Variants in CEP85L observed in about 807,000 individuals in gnomAD.
The protein encoded by CEP85L is centrosomal protein of 85 kDa-like.
Under a neutral mutation model 100.3 loss-of-function variants are expected in CEP85L, and 60 were observed. The ratio of observed to expected loss-of-function variants is 0.60; its 90% CI spans 0.49 to 0.74. The LOEUF is 0.74. Among genes scored for constraint, CEP85L ranks in the 30% least tolerant of loss-of-function variants. CEP85L has a pLI of 0.00. For missense variants in CEP85L, 973 were observed against 936.2 expected (o/e 1.04, Z -0.51); for synonymous variants, 319 against 322.7 (o/e 0.99, Z 0.12).
At chr6:118,709,095 A>T (rs1777694532) in intron 1 of CEP85L, among the ~76,000 whole-genome samples, 1 of 152,154 alleles carries the variant, frequency 6.6e-6, no homozygotes, top group South Asian at 2.1e-4. Flanking sequence ...GAGAAACAAG[A>T]GCAGCACATC....
chr6:118,542,919 A>AAAAAAAAAAAAC (rs1562245143), intron 3 of CEP85L, among the ~76,000 whole-genome samples: 1 of 150,758 alleles, frequency 6.6e-6, no homozygotes, highest in African/African-American at 2.4e-5. Flanking sequence ...AAAAAAAAAA[A>AAAAAAAAAAAAC]AAAACAGGAT....
In CEP85L at chr6:118,704,879, A is replaced by G. The variant is rs144260623; in HGVS notation, c.-28+5157T>C. On this transcript the variant is annotated intron_variant, in intron 1 of 13. Transcript: ENST00000368488. ...TTTTCTTACCCTTCTGGCTATTTTC[A>G]CCTTTCTTTCAGTGGCTTTTTTTTC... Among the ~76,000 whole-genome samples, 823 of 152,006 alleles carry G rather than the reference A, an allele frequency of 5.4e-3. 4 individuals carry two copies. The highest frequency in any genetic ancestry group is 9.0e-3 in the Non-Finnish European group (609 of 67,978).
intron 1 of CEP85L, among the ~76,000 whole-genome samples, chr6:118,659,086 A>G (rs1775887425): frequency 6.6e-6 from 1 of 152,208 alleles, no homozygotes; most frequent in African/African-American, 2.4e-5. Flanking sequence ...ACCAATCTCT[A>G]CTTTCATTAT....
chr6:118,465,559 C>T lies in CEP85L; in HGVS notation c.2264G>A (p.Cys755Tyr). The change falls in exon 13 of 13, where the codon TGT (cysteine) becomes TAT (tyrosine). Residue 755 changes from cysteine to tyrosine, a missense_variant. Transcript: ENST00000368491. ...GTCATTCTCAGTCTCTTCAGCTGAA[C>T]AGTTCATTGCTGTGTAAATAAAACA... The part of the protein sequence containing the change: ...SLLLGIRSMN[C>Y]SAEETENDHS... 1 of 1,609,490 alleles carries T rather than the reference C, an allele frequency of 6.2e-7. No homozygotes were observed. The highest frequency in any genetic ancestry group is 8.5e-7 in the Non-Finnish European group (1 of 1,178,412).
upstream of CEP85L, chr6:118,651,935 G>A (rs1466393453): frequency 1.3e-5 from 13 of 985,358 alleles, no homozygotes; most frequent in Non-Finnish European, 1.4e-5. Context: ...TGCCCCTGGC[G>A]TCACAACCGC....
At chr6:118,535,134 C>T (rs1777515400) in intron 3 of CEP85L, among the ~76,000 whole-genome samples, 1 of 152,098 alleles carries the variant, frequency 6.6e-6, no homozygotes, top group Admixed American at 6.6e-5. Flanking sequence ...TAAAAACAAC[C>T]CATGGGTCTG....
At chr6:118,586,559 C>T (rs900764786) in intron 2 of CEP85L, among the ~76,000 whole-genome samples, 11 of 152,030 alleles carry the variant, frequency 7.2e-5, no homozygotes, top group South Asian at 2.1e-4. Context: ...AGGAATCGAC[C>T]GACTCCTGGA....
At chr6:118,482,626 A>C (rs1773869918) in intron 7 of CEP85L, among the ~76,000 whole-genome samples, 1 of 152,038 alleles carries the variant, frequency 6.6e-6, no homozygotes. Context: ...GGCTACTTCC[A>C]CCTTTTGGCT....
intron 2 of CEP85L, among the ~76,000 whole-genome samples, chr6:118,576,918 G>A (rs1339801610): frequency 1.3e-5 from 2 of 152,264 alleles, no homozygotes; most frequent in African/African-American, 2.4e-5. Context: ...CGATTGTTAC[G>A]CTTGTGCGAC....
chr6:118,661,805 G>A (rs907542014), intron 1 of CEP85L, among the ~76,000 whole-genome samples: 29 of 152,228 alleles, frequency 1.9e-4, no homozygotes, highest in East Asian at 3.9e-4. Context: ...ATTGTAAGTC[G>A]GAGAGAAACT....
intron 2 of CEP85L, among the ~76,000 whole-genome samples, chr6:118,629,516 A>G (rs1273886710): frequency 6.6e-6 from 1 of 152,230 alleles, no homozygotes; most frequent in Non-Finnish European, 1.5e-5. Flanking sequence ...AATCCAGAAC[A>G]CTGACAACAC....
chr6:118,489,231 C>T (rs561834615), intron 6 of CEP85L, among the ~76,000 whole-genome samples: 1 of 145,238 alleles, frequency 6.9e-6, no homozygotes, highest in East Asian at 2.0e-4. Flanking sequence ...CACACCATTG[C>T]ACTCCAGCCT....
At chr6:118,527,084 A>C (rs1271571293) in intron 3 of CEP85L, among the ~76,000 whole-genome samples, 2 of 139,742 alleles carry the variant, frequency 1.4e-5, no homozygotes, top group African/African-American at 2.7e-5. Flanking sequence ...GGCGCGATAG[A>C]GCTCACCGCA....
chr6:118,608,032 A>G (rs1258085640), intron 2 of CEP85L, among the ~76,000 whole-genome samples: 1 of 152,186 alleles, frequency 6.6e-6, no homozygotes, highest in Non-Finnish European at 1.5e-5. Flanking sequence ...AAGAAAGTAA[A>G]GGAATAAAAG....
chr6:118,647,297 T>C (rs1033607694), intron 1 of CEP85L, among the ~76,000 whole-genome samples: 3 of 152,242 alleles, frequency 2.0e-5, no homozygotes, highest in Non-Finnish European at 4.4e-5. Flanking sequence ...TAACATTTTA[T>C]TTTCGCACAC....
chr6:118,694,564 G>T (rs1157777040), intron 1 of CEP85L, among the ~76,000 whole-genome samples: 1 of 152,110 alleles, frequency 6.6e-6, no homozygotes, highest in Admixed American at 6.5e-5. Context: ...AGTGTTTGCA[G>T]AAGAGTGACA....
chr6:118,511,136 T>C (rs1377917643), intron 5 of CEP85L, among the ~76,000 whole-genome samples, 162 bp downstream of exon 5: 1 of 152,138 alleles, frequency 6.6e-6, no homozygotes, highest in East Asian at 1.9e-4. Flanking sequence ...TCTGGACAGA[T>C]GGAAGGCTGT....
chr6:118,701,910 G>A (rs1777420509), intron 1 of CEP85L, among the ~76,000 whole-genome samples: 1 of 152,102 alleles, frequency 6.6e-6, no homozygotes, highest in African/African-American at 2.4e-5. Flanking sequence ...ATAAAATTGG[G>A]GTTTCTATTA....
intron 1 of CEP85L, among the ~76,000 whole-genome samples, chr6:118,633,916 G>A (rs889856631): frequency 2.0e-5 from 3 of 152,200 alleles, no homozygotes; most frequent in Non-Finnish European, 4.4e-5. Flanking sequence ...TTCAATGACA[G>A]TTCTTAAAAA....
Sources: gnomAD v4.1 joint callset for allele counts (sites outside exome capture counted in the v4.1 genomes callset) on GRCh38, gnomAD v4.1.1 for gene constraint, MANE v1.5 for transcripts, NCBI Gene and HGNC (gene_info 2026-07-23, HGNC 2026-07-21) for gene names.